Variants in B3GAT1 observed in about 807,000 individuals in gnomAD.
B3GAT1 encodes galactosylgalactosylxylosylprotein 3-beta-glucuronosyltransferase 1.
B3GAT1 carries 11 observed loss-of-function variants against 28.4 expected under a neutral mutation model. The observed-to-expected ratio is 0.39, with a 90% CI of 0.24 to 0.64. The LOEUF (loss-of-function observed/expected upper bound fraction) is 0.64, where lower values mean the gene tolerates loss of function less well. Ranked by LOEUF, B3GAT1 falls within the 30% of genes least tolerant of loss-of-function variation. B3GAT1 has a pLI of 0.50. For missense variants in B3GAT1, 375 were observed against 491.0 expected (o/e 0.76, Z 2.23); for synonymous variants, 255 against 223.1 (o/e 1.14, Z -1.27).
intron 1 of B3GAT1, chr11:134,388,762 C>G (rs1397000229): frequency 1.3e-5 from 2 of 152,244 alleles, no homozygotes; most frequent in Non-Finnish European, 2.9e-5. Context: ...CAGCTGCATC[C>G]AGGCTGCTGC....
intron 2 of B3GAT1, chr11:134,384,524 C>G (rs1296710338): frequency 5.7e-6 from 2 of 350,154 alleles, no homozygotes; most frequent in Non-Finnish European, 1.0e-5. Context: ...TCCCGACCCT[C>G]CCCTCCCTAG....
intron 1 of B3GAT1, among the ~76,000 whole-genome samples, chr11:134,397,468 C>T (rs534710913): frequency 2.0e-5 from 3 of 152,250 alleles, no homozygotes; most frequent in Non-Finnish European, 4.4e-5. Flanking sequence ...TGCTTTTCCT[C>T]GTCCTGTGGT....
intron 1 of B3GAT1, among the ~76,000 whole-genome samples, chr11:134,397,803 C>G (rs190980291): frequency 3.3e-5 from 5 of 152,308 alleles, no homozygotes; most frequent in Admixed American, 2.6e-4. Flanking sequence ...GCCTGCTCCT[C>G]TCTGCCAGGA....
Position 134,383,015 on chromosome 11 carries a change from G to A in B3GAT1, c.622-9C>T, listed in dbSNP as rs535028435. 2.6e-6 allele frequency: 4 copies of A among 1,540,092 alleles called. No individual in the cohort carries two copies. Among genetic ancestry groups the A allele is most frequent in the Non-Finnish European group, 1.8e-6 (2 of 1,141,520 alleles). ...CTCCTGGTGCTGCGCATCTACAAGG[G>A]GGGGGTCCAGAGTCAGGGCGCCGGC... On this transcript the variant is annotated splice_polypyrimidine_tract_variant and intron_variant, in intron 3 of 5. Transcript: ENST00000312527.
chr11:134,397,934 C>G lies in B3GAT1; in HGVS notation c.-281-9994G>C, dbSNP rs542898651. Reference sequence around the variant, plus strand: ...GGTGTCCCCTCCCCCTTGCCCAGCACTCTCTTGAGGCTGATGATTTGGGGA... The same window carrying G: ...GGTGTCCCCTCCCCCTTGCCCAGCAGTCTCTTGAGGCTGATGATTTGGGGA... On this transcript the variant is annotated intron_variant, in intron 1 of 5. Transcript: ENST00000312527. Among the ~76,000 whole-genome samples, 20 of 152,334 alleles carry G rather than the reference C, an allele frequency of 1.3e-4. 1 individual carries two copies. The highest frequency in any genetic ancestry group is 4.3e-4 in the African/African-American group (18 of 41,582).
chr11:134,408,926 C>G (rs1944793508), intron 1 of B3GAT1, among the ~76,000 whole-genome samples: 1 of 126,746 alleles, frequency 7.9e-6, no homozygotes, highest in South Asian at 2.3e-4. Flanking sequence ...TAGCCTCCAC[C>G]TATTCCAGTG....
chr11:134,387,094 A>G (rs1423792424), intron 2 of B3GAT1: 3 of 186,052 alleles, frequency 1.6e-5, no homozygotes, highest in African/African-American at 7.1e-5. Context: ...GACTTTCTTC[A>G]GACTATGCAA....
chr11:134,392,449 AG>A (rs1944430610), intron 1 of B3GAT1: 1 of 152,244 alleles, frequency 6.6e-6, no homozygotes, highest in African/African-American at 2.4e-5. Flanking sequence ...AGCTCTCTGC[AG>A]GCTTGAGTTC....
chr11:134,386,887 C>G (rs11223778), intron 2 of B3GAT1: 50,338 of 152,144 alleles, frequency 0.33, 9,672 homozygotes, highest in East Asian at 0.68. Context: ...ACTGCCCCTC[C>G]CGGGACTAGC....
intron 2 of B3GAT1, 144 bp downstream of exon 2, chr11:134,387,404 G>A (rs1591637195): frequency 9.0e-6 from 10 of 1,106,936 alleles, no homozygotes; most frequent in South Asian, 1.6e-5. Flanking sequence ...TCCCAAAGGG[G>A]TGCAAGACTC....
At chr11:134,396,986 A>T (rs889124289) in intron 1 of B3GAT1, among the ~76,000 whole-genome samples, 7 of 151,980 alleles carry the variant, frequency 4.6e-5, no homozygotes, top group African/African-American at 1.5e-4. Flanking sequence ...TCCCATTGTG[A>T]CCTAACACAC....
intron 1 of B3GAT1, among the ~76,000 whole-genome samples, chr11:134,394,719 C>T (rs575610875): frequency 2.6e-5 from 4 of 152,330 alleles, no homozygotes; most frequent in Non-Finnish European, 4.4e-5. Context: ...GGAAGGGCAG[C>T]GTGAATTCCA....
rs1479345265 is a variant in B3GAT1 at position 134,393,415 on chromosome 11, C to T, written c.-281-5475G>A. Among the ~76,000 whole-genome samples the T allele has an allele frequency of 2.0e-5, 3 of 152,188 alleles. No homozygotes were observed. The highest frequency in any genetic ancestry group is 4.4e-5 in the Non-Finnish European group (3 of 68,044). On this transcript the variant is annotated intron_variant, in intron 1 of 5. Transcript: ENST00000312527. The surrounding 1 kb of genome is among the most constrained non-coding windows in gnomAD (Gnocchi z 4.0). The stretch of plus-strand genomic sequence containing the variant: ...CGGGGTCAGGGAGGTCTGTGCTGAC[C>T]GTCTGACATCAGCCACATCGCAGCA...
At chr11:134,388,342 G>A (rs537284155) in intron 1 of B3GAT1, 14 of 178,664 alleles carry the variant, frequency 7.8e-5, no homozygotes, top group Admixed American at 7.5e-4. Flanking sequence ...ATTAAACAGG[G>A]TAACTCCCGT....
Position 134,411,984 on chromosome 11 carries a change from C to CGCCCGCCCGCCCGCCCGCCCGCA in B3GAT1, c.-460_-459insTGCGGGCGGGCGGGCGGGCGGGC, listed in dbSNP as rs558191809. The CGCCCGCCCGCCCGCCCGCCCGCA allele has an allele frequency of 2.7e-5, 4 of 147,528 alleles. No homozygotes were observed. The highest frequency in any genetic ancestry group is 7.4e-5 in the African/African-American group (3 of 40,632). 9.1% of individuals were successfully genotyped at this position (147,528 alleles called of 1,614,324 possible). ...TAGCCGCGGGGTCCGCGCGCCCGCCCGCCCCGCCCGGCCCCGCCGCCCCGG... is the reference window on the plus strand; with the variant it reads ...TAGCCGCGGGGTCCGCGCGCCCGCCCGCCCGCCCGCCCGCCCGCCCGCAGCCCCGCCCGGCCCCGCCGCCCCGG... On this transcript the variant is annotated 5_prime_UTR_variant, in exon 1 of 6. Transcript: ENST00000312527. The surrounding 1 kb of genome is among the most constrained non-coding windows in gnomAD (Gnocchi z 6.0).
Position 134,404,010 on chromosome 11 carries a change from TATATATATATATA to T in B3GAT1, c.-282+7784_-282+7796del, listed in dbSNP as rs1944676952. Among the ~76,000 whole-genome samples the T allele has an allele frequency of 3.0e-5, 3 of 99,188 alleles. No individual in the cohort carries two copies. In the East Asian group the frequency reaches 8.6e-4, roughly 28 times the overall value. 65.1% of individuals were successfully genotyped at this position (99,188 alleles called of 152,430 possible). A position where few individuals can be genotyped will look rare whatever the true frequency, so the allele number is the denominator to read the frequency against. Reference sequence around the variant, plus strand: ...ATATATATATATATATATATATATATATATATATATATATATATATTTATTATACGTTAAGTTC... The same window carrying T: ...ATATATATATATATATATATATATATTATATATTTATTATACGTTAAGTTC... On this transcript the variant is annotated intron_variant, in intron 1 of 5. Transcript: ENST00000312527.
chr11:134,383,766 C>G lies in B3GAT1; in HGVS notation c.535G>C (p.Glu179Gln), dbSNP rs746363392. 1.3e-6 allele frequency: 2 copies of G among 1,596,698 alleles called. No individual in the cohort carries two copies. Among genetic ancestry groups the G allele is most frequent in the Admixed American group, 3.4e-5 (2 of 58,386 alleles). Residue 179 changes from glutamate to glutamine, a missense_variant, in exon 3 of 6, where the codon GAG (glutamate) becomes CAG (glutamine). Glu to Gln is a conservative substitution (Grantham distance 29). Coordinates refer to ENST00000312527, the MANE Select transcript of B3GAT1 (RefSeq NM_054025.3). ...TGGCTGGAGTTGCGCGGGAAGGTCT[C>G]GCGCAGCCAGCGCAGGGCCAGGTTG... ...QRNLALRWLR[E>Q]TFPRNSSQPG...
chr11:134,401,771 C>T (rs11600529), intron 1 of B3GAT1, among the ~76,000 whole-genome samples: 6,718 of 152,184 alleles, frequency 0.044, 159 homozygotes, highest in East Asian at 0.067. Context: ...TAAAACTCAG[C>T]TGAATCCAAG....
intron 1 of B3GAT1, among the ~76,000 whole-genome samples, chr11:134,404,020 TATATATA>T (rs1565459414): frequency 3.0e-4 from 37 of 123,062 alleles, no homozygotes; most frequent in African/African-American, 8.8e-4. Flanking sequence ...TATATATATA[TATATATA>T]TATTTATTAT....
Sources: gnomAD v4.1 joint callset for allele counts (sites outside exome capture counted in the v4.1 genomes callset) on GRCh38, gnomAD v4.1.1 for gene constraint, Gnocchi (gnomAD v3.1) non-coding constraint, MANE v1.5 for transcripts, NCBI Gene and HGNC (gene_info 2026-07-23, HGNC 2026-07-21) for gene names.